ADGRB3: variants seen among roughly 807,000 people sequenced by gnomAD.
ADGRB3 encodes brain-specific angiogenesis inhibitor 3.
Under a neutral mutation model 193.4 loss-of-function variants are expected in ADGRB3, and 37 were observed. The observed-to-expected ratio is 0.19, with a 90% CI of 0.15 to 0.25. The LOEUF is 0.25. ADGRB3 is among the 10% of genes least tolerant of loss of function. The probability of loss-of-function intolerance (pLI) is 1.00; values close to 1 mark genes in which losing one functional copy is unlikely to be tolerated. For missense variants in ADGRB3, 1,637 were observed against 1,852.9 expected (o/e 0.88, Z 2.14); for synonymous variants, 690 against 644.2 (o/e 1.07, Z -1.08).
At chr6:69,156,998 C>T (rs1309972349) in intron 17 of ADGRB3, among the ~76,000 whole-genome samples, 2 of 152,168 alleles carry the variant, frequency 1.3e-5, no homozygotes, top group East Asian at 3.9e-4. Flanking sequence ...CTATGTTTCC[C>T]TAAGCCACTG....
At position 68,836,882 on chromosome 6, in the gene ADGRB3, A is replaced by C. The variant is rs564493486; in HGVS notation, c.758-93677A>C. Among the ~76,000 whole-genome samples the C allele has an allele frequency of 1.1e-4, 16 of 152,312 alleles. No homozygotes were observed. In the South Asian group the frequency reaches 3.3e-3, roughly 32 times the overall value. ...GTGGAATGAAGTTATTCATGAAAAT[A>C]TGATGCATGGAACTTCAGAATTCAT... is the stretch of plus-strand genomic sequence containing the variant. On this transcript the variant is annotated intron_variant, in intron 3 of 31. Transcript: ENST00000370598.
chr6:69,340,542 C>T (rs1768952523), intron 26 of ADGRB3, among the ~76,000 whole-genome samples: 1 of 152,120 alleles, frequency 6.6e-6, no homozygotes, highest in Admixed American at 6.6e-5. Flanking sequence ...TATAGTTTTG[C>T]AGTGATGTGC....
At chr6:68,941,324 A>G (rs1767636028) in intron 5 of ADGRB3, among the ~76,000 whole-genome samples, 1 of 152,136 alleles carries the variant, frequency 6.6e-6, no homozygotes, top group African/African-American at 2.4e-5. Flanking sequence ...ATTGTTAGTG[A>G]TTTGTATCCT....
chr6:68,753,724 A>AT (rs995916546), intron 3 of ADGRB3, among the ~76,000 whole-genome samples: 2 of 152,052 alleles, frequency 1.3e-5, no homozygotes, highest in African/African-American at 4.8e-5. Flanking sequence ...AAGAAAAATT[A>AT]TTTTTTCCTA....
intron 3 of ADGRB3, among the ~76,000 whole-genome samples, chr6:68,896,992 G>C (rs530555872): frequency 2.0e-5 from 3 of 152,062 alleles, no homozygotes; most frequent in African/African-American, 7.2e-5. Context: ...TCCTCTGGGG[G>C]TTACAAGATC....
chr6:69,100,870 G>A (rs1582460642), intron 17 of ADGRB3, among the ~76,000 whole-genome samples: 1 of 9,206 alleles, frequency 1.1e-4, no homozygotes, highest in Admixed American at 1.7e-3. Flanking sequence ...AGGAAGGAAG[G>A]AAGAAGGAAG....
At chr6:69,277,057 G>A (rs568228713) in intron 20 of ADGRB3, among the ~76,000 whole-genome samples, 22 of 147,304 alleles carry the variant, frequency 1.5e-4, no homozygotes, top group South Asian at 6.4e-4. Flanking sequence ...GTGCAGTGGC[G>A]TGATCTCAGC....
intron 3 of ADGRB3, among the ~76,000 whole-genome samples, chr6:68,920,472 C>G (rs1767006320): frequency 1.4e-5 from 2 of 140,002 alleles, no homozygotes; most frequent in Admixed American, 1.5e-4. Context: ...GAGCCGAGAT[C>G]CGCCATTGCA....
chr6:68,758,329 CATT>C (rs1403608119), intron 3 of ADGRB3, among the ~76,000 whole-genome samples: 1 of 152,088 alleles, frequency 6.6e-6, no homozygotes, highest in African/African-American at 2.4e-5. Flanking sequence ...CCACCAGAAT[CATT>C]ATCATCATCA....
At chr6:69,115,401 C>T (rs1773501118) in intron 17 of ADGRB3, among the ~76,000 whole-genome samples, 1 of 151,770 alleles carries the variant, frequency 6.6e-6, no homozygotes, top group African/African-American at 2.4e-5. Flanking sequence ...ACAATGAGAA[C>T]ACATGGACAC....
At chr6:68,807,955 C>T (rs1455811162) in intron 3 of ADGRB3, among the ~76,000 whole-genome samples, 2 of 152,090 alleles carry the variant, frequency 1.3e-5, no homozygotes, top group African/African-American at 2.4e-5. Context: ...CAGGGTGTCT[C>T]ACTTCAGAGA....
At chr6:69,007,693 TCACACACACACA>T (rs764934080) in intron 11 of ADGRB3, among the ~76,000 whole-genome samples, 2 of 90,080 alleles carry the variant, frequency 2.2e-5, no homozygotes, top group African/African-American at 8.0e-5. Flanking sequence ...TCTCTCTCTC[TCACACACACACA>T]CACACACACA....
At position 69,362,487 on chromosome 6, in the gene ADGRB3, A is replaced by G. The variant is rs761191146; in HGVS notation, c.4239+975A>G. 3.9e-4 allele frequency among the ~76,000 whole-genome samples: 60 copies of G among 152,078 alleles called. 1 individual carries two copies. Among genetic ancestry groups the G allele is most frequent in the Non-Finnish European group, 7.5e-4 (51 of 67,914 alleles). On this transcript the variant is annotated intron_variant, in intron 29 of 31. Coordinates refer to ENST00000370598, the MANE Select transcript of ADGRB3 (RefSeq NM_001704.3). Reference sequence around the variant, plus strand: ...CAAAGCCATTCCTTCCACTAGGTCAAAATGAAGAGGCATTCTGAGAGTCTT... The same window carrying G: ...CAAAGCCATTCCTTCCACTAGGTCAGAATGAAGAGGCATTCTGAGAGTCTT...
intron 20 of ADGRB3, among the ~76,000 whole-genome samples, chr6:69,254,652 T>G (rs1766710467): frequency 6.6e-6 from 1 of 152,122 alleles, no homozygotes; most frequent in African/African-American, 2.4e-5. Context: ...TGATTATCTT[T>G]CCTTATTCAA....
At chr6:69,158,832 G>A (rs1774914467) in intron 17 of ADGRB3, among the ~76,000 whole-genome samples, 1 of 152,048 alleles carries the variant, frequency 6.6e-6, no homozygotes, top group Non-Finnish European at 1.5e-5. Context: ...ACTCCAAAGT[G>A]AAGAATACAG....
intron 20 of ADGRB3, among the ~76,000 whole-genome samples, chr6:69,258,489 A>G (rs1223924441): frequency 6.6e-6 from 1 of 152,238 alleles, no homozygotes; most frequent in African/African-American, 2.4e-5. Flanking sequence ...CAGTTAATGC[A>G]TTCAGCAAAG....
At chr6:69,009,410 G>A (rs766561750) in intron 11 of ADGRB3, among the ~76,000 whole-genome samples, 6 of 152,042 alleles carry the variant, frequency 3.9e-5, no homozygotes, top group Non-Finnish European at 8.8e-5. Context: ...AGAAAGAATA[G>A]CAGTCCAAGA....
At chr6:68,773,747 G>T (rs1163775139) in intron 3 of ADGRB3, among the ~76,000 whole-genome samples, 2 of 152,248 alleles carry the variant, frequency 1.3e-5, no homozygotes, top group East Asian at 3.9e-4. Context: ...AGACCTCCAT[G>T]GGAAGAGATG....
At chr6:68,677,521 C>CT (rs1002070733) in intron 3 of ADGRB3, among the ~76,000 whole-genome samples, 33,432 of 120,434 alleles carry the variant, frequency 0.28, 5,196 homozygotes, top group Non-Finnish European at 0.36. Flanking sequence ...TTCTTTTTTT[C>CT]TTTTTTTTTT....
Sources: gnomAD v4.1 joint callset for allele counts (sites outside exome capture counted in the v4.1 genomes callset) on GRCh38, gnomAD v4.1.1 for gene constraint, MANE v1.5 for transcripts, NCBI Gene and HGNC (gene_info 2026-07-23, HGNC 2026-07-21) for gene names.